PCDHGB7: variants seen among roughly 807,000 people sequenced by gnomAD.
PCDHGB7 encodes the protein protocadherin gamma subfamily B, 7.
A neutral mutation model predicts 61.4 loss-of-function variants in PCDHGB7; 37 were observed. That is an observed-to-expected ratio of 0.60 (90% CI 0.46 to 0.79). The LOEUF is 0.79. Ranked by LOEUF, PCDHGB7 falls within the 30% of genes least tolerant of loss-of-function variation. The pLI is 0.00. For synonymous variants in PCDHGB7, 464 were observed against 503.5 expected (o/e 0.92, Z 1.05); for missense variants, 1,166 against 1,202.5 (o/e 0.97, Z 0.45).
chr5:141,476,725 C>G lies in PCDHGB7; in HGVS notation c.2416-18082C>G. On this transcript the variant is annotated intron_variant, in intron 1 of 3. Coordinates refer to ENST00000398594, the MANE Select transcript of PCDHGB7 (RefSeq NM_018927.4). This position sits in a 1 kb window ranked among gnomAD's most constrained non-coding sequence, Gnocchi z 7.6. ...AGCTGGTGTTGGAGCGCGCCCTGGA[C>G]CGAGAACGGGAGCCTAGTCTCCAGT... The G allele has an allele frequency of 6.2e-7, 1 of 1,614,132 alleles. No homozygotes were observed. Among genetic ancestry groups the G allele is most frequent in the Non-Finnish European group, 8.5e-7 (1 of 1,180,038 alleles).
chr5:141,487,361 A>C lies in PCDHGB7; in HGVS notation c.2416-7446A>C. On this transcript the variant is annotated intron_variant, in intron 1 of 3. Transcript: ENST00000398594. This position sits in a 1 kb window ranked among gnomAD's most constrained non-coding sequence, Gnocchi z 5.0. ...TGGAGTCACATGCTTTCCTGCTGGC[A>C]CCTGTGCCTGTCTCACCAGATCTCG... The C allele has an allele frequency of 1.2e-6, 2 of 1,613,834 alleles. No individual in the cohort carries two copies. Among genetic ancestry groups the C allele is most frequent in the East Asian group, 2.2e-5 (1 of 44,860 alleles).
chr5:141,441,905 C>G, intron 1 of PCDHGB7: 1 of 348,464 alleles, frequency 2.9e-6, no homozygotes, highest in Non-Finnish European at 5.5e-6. Flanking sequence ...GCTGTAGACG[C>G]AGATGTGAGA....
Position 141,418,379 on chromosome 5 carries a change from C to T in PCDHGB7, c.520C>T (p.Pro174Ser). 1 of 1,613,966 alleles carries T rather than the reference C, an allele frequency of 6.2e-7. No individual in the cohort carries two copies. Among genetic ancestry groups the T allele is most frequent in the Non-Finnish European group, 8.5e-7 (1 of 1,179,882 alleles). Residue 174 changes from proline to serine, a missense_variant, in exon 1 of 4, where the codon CCT (proline) becomes TCT (serine). Coordinates refer to ENST00000398594, the MANE Select transcript of PCDHGB7 (RefSeq NM_018927.4). ...MNSLSKYQLS[P>S]NEYFSLVEKD... ...TTCGCTGAGCAAATACCAACTAAGT[C>T]CTAACGAGTATTTCTCATTGGTGGA... is the stretch of plus-strand genomic sequence containing the variant.
chr5:141,489,458 G>A lies in PCDHGB7; in HGVS notation c.2416-5349G>A, dbSNP rs143138320. 3.5e-5 allele frequency: 56 copies of A among 1,614,042 alleles called. No homozygotes were observed. The highest frequency in any genetic ancestry group is 8.0e-5 in the African/African-American group (6 of 75,052). ...CAATTGGGCTCTGAGGAGAATGGGC[G>A]CTATTTTTCCCTGAGCTTGATGAGT... is the stretch of plus-strand genomic sequence containing the variant. On this transcript the variant is annotated intron_variant, in intron 1 of 3. Transcript: ENST00000398594. This position sits in a 1 kb window ranked among gnomAD's most constrained non-coding sequence, Gnocchi z 4.5.
chr5:141,466,969 C>T (rs2099133068), intron 1 of PCDHGB7, among the ~76,000 whole-genome samples: 1 of 152,068 alleles, frequency 6.6e-6, no homozygotes, highest in African/African-American at 2.4e-5. Flanking sequence ...TATTTTCTCA[C>T]AGCTCATCAT....
chr5:141,485,278 C>T lies in PCDHGB7; in HGVS notation c.2416-9529C>T. On this transcript the variant is annotated intron_variant, in intron 1 of 3. Transcript: ENST00000398594. The surrounding 1 kb of genome is among the most constrained non-coding windows in gnomAD (Gnocchi z 5.7). ...TTTGTGGGCAGATCCGCTACCCGGTCCCAGAGGAGTCACAGGAAGGGACTT... is the reference window on the plus strand; with the variant it reads ...TTTGTGGGCAGATCCGCTACCCGGTTCCAGAGGAGTCACAGGAAGGGACTT... 1 of 1,614,064 alleles carries T rather than the reference C, an allele frequency of 6.2e-7. No homozygotes were observed. The highest frequency in any genetic ancestry group is 1.1e-5 in the South Asian group (1 of 91,080).
At chr5:141,510,795 G>A in intron 3 of PCDHGB7, 152 bp from the exon 4 acceptor site, 6 of 1,465,214 alleles carry the variant, frequency 4.1e-6, no homozygotes, top group Non-Finnish European at 5.5e-6. Context: ...CTTGTGAAGA[G>A]AGACTACCTT....
Position 141,419,897 on chromosome 5 carries a change from A to C in PCDHGB7, c.2038A>C (p.Thr680Pro). Residue 680 changes from threonine (T) to proline (P), a missense_variant, in exon 1 of 4, where the codon ACA becomes CCA. Physicochemically the swap from Thr to Pro is conservative, Grantham distance 38. Coordinates refer to ENST00000398594, the MANE Select transcript of PCDHGB7 (RefSeq NM_018927.4). ...ACTGCCGGATTTCAGCGACCATCCC[A>C]CACCCTCTGACTCCCAGGCTGAGAT... ...EVLPDFSDHP[T>P]PSDSQAEMQF... 1 of 1,613,960 alleles carries C rather than the reference A, an allele frequency of 6.2e-7. No individual in the cohort carries two copies. Among genetic ancestry groups the C allele is most frequent in the Non-Finnish European group, 8.5e-7 (1 of 1,179,856 alleles).
chr5:141,469,213 G>A (rs866405809), intron 1 of PCDHGB7, among the ~76,000 whole-genome samples: 21 of 150,912 alleles, frequency 1.4e-4, no homozygotes, highest in African/African-American at 5.1e-4. Flanking sequence ...TGAAGTTGAG[G>A]CTTCAGTGAG....
intron 1 of PCDHGB7, among the ~76,000 whole-genome samples, chr5:141,425,114 T>A (rs537694464): frequency 5.9e-5 from 9 of 152,326 alleles, no homozygotes; most frequent in African/African-American, 2.2e-4. Context: ...TGCCTACATT[T>A]TTCTTGAAGT....
In PCDHGB7 at chr5:141,422,647, T is replaced by G. The variant is rs773990745; in HGVS notation, c.2415+2373T>G. 2.5e-6 allele frequency: 4 copies of G among 1,611,858 alleles called. No individual in the cohort carries two copies. In the South Asian group the frequency reaches 4.4e-5, roughly 18 times the overall value. On this transcript the variant is annotated intron_variant, in intron 1 of 3. Transcript: ENST00000398594. ...CAACCCCAGGGGTGCCTCCATCTTC[T>G]CAGTGACCGCCCTCGACCCGGACAG...
rs2099455203 is a variant in PCDHGB7 at position 141,478,427 on chromosome 5, C to T, written c.2416-16380C>T. The T allele has an allele frequency of 1.9e-6, 3 of 1,613,742 alleles. No individual in the cohort carries two copies. Among genetic ancestry groups the T allele is most frequent in the Non-Finnish European group, 2.5e-6 (3 of 1,180,014 alleles). On this transcript the variant is annotated intron_variant, in intron 1 of 3. Coordinates refer to ENST00000398594, the MANE Select transcript of PCDHGB7 (RefSeq NM_018927.4). ...CACCACGGACTCCCGCCGCAGCGAC[C>T]CGCTGCTGAAGAAACCTGGTGCAGC...
chr5:141,490,157 G>A lies in PCDHGB7; in HGVS notation c.2416-4650G>A. 6.2e-7 allele frequency: 1 copy of A among 1,614,210 alleles called. No homozygotes were observed. On this transcript the variant is annotated intron_variant, in intron 1 of 3. Transcript: ENST00000398594. The surrounding 1 kb of genome is among the most constrained non-coding windows in gnomAD (Gnocchi z 5.4). ...AGCAGTGGGGCAATCCATGTGTTGG[G>A]TCCCATAGACTTTGAGGAGTCACGT...
intron 1 of PCDHGB7, among the ~76,000 whole-genome samples, chr5:141,465,409 A>G (rs1037916815): frequency 3.3e-5 from 5 of 152,188 alleles, no homozygotes; most frequent in African/African-American, 4.8e-5. Flanking sequence ...AAGAAGCCAA[A>G]TCAGCACTGA....
rs951502238 is a variant in PCDHGB7 at position 141,478,263 on chromosome 5, A to G, written c.2416-16544A>G. ...ACAGTGTTCGGAGTAATCATATTCA[A>G]AGTTTACAAGTGGAAGCAGTCTAGA... On this transcript the variant is annotated intron_variant, in intron 1 of 3. Coordinates refer to ENST00000398594, the MANE Select transcript of PCDHGB7 (RefSeq NM_018927.4). The G allele has an allele frequency of 2.5e-6, 4 of 1,614,046 alleles. No individual in the cohort carries two copies. The African/African-American group carries it at 5.3e-5, about 22-fold the overall frequency.
At position 141,485,060 on chromosome 5, in the gene PCDHGB7, G is replaced by A. The variant is rs191055161; in HGVS notation, c.2416-9747G>A. 155 of 862,304 alleles carry A rather than the reference G, an allele frequency of 1.8e-4. No individual in the cohort carries two copies. The African/African-American group carries it at 2.3e-3, about 13-fold the overall frequency. 53.4% of individuals were successfully genotyped at this position (862,304 alleles called of 1,614,324 possible). ...ACCCTTGCGGCGCCGGCCGAACCGCGCCAGAGCTGGCGCGGGGAAAGGGAG... is the reference window on the plus strand; with the variant it reads ...ACCCTTGCGGCGCCGGCCGAACCGCACCAGAGCTGGCGCGGGGAAAGGGAG... On this transcript the variant is annotated intron_variant, in intron 1 of 3. Transcript: ENST00000398594. This position sits in a 1 kb window ranked among gnomAD's most constrained non-coding sequence, Gnocchi z 5.7.
intron 1 of PCDHGB7, chr5:141,439,898 C>T (rs1428014089): frequency 6.6e-6 from 1 of 152,344 alleles, no homozygotes; most frequent in African/African-American, 2.4e-5. Context: ...ACCAAGGCGA[C>T]TACTGCCTCC....
rs200580042 is a variant in PCDHGB7 at position 141,486,553 on chromosome 5, T to C, written c.2416-8254T>C. 5.4e-5 allele frequency: 87 copies of C among 1,614,028 alleles called. No individual in the cohort carries two copies. The highest frequency in any genetic ancestry group is 7.2e-5 in the Non-Finnish European group (85 of 1,180,046). On this transcript the variant is annotated intron_variant, in intron 1 of 3. Coordinates refer to ENST00000398594, the MANE Select transcript of PCDHGB7 (RefSeq NM_018927.4). The surrounding 1 kb of genome is among the most constrained non-coding windows in gnomAD (Gnocchi z 5.0). ...CACCCTCTTTCTTTCAGAGGTCACA[T>C]GAGGTGTTTGTTCCTGAGAACAATC...
Position 141,489,555 on chromosome 5 carries a change from A to G in PCDHGB7, c.2416-5252A>G, listed in dbSNP as rs909307566. ...GAGCCAGCACCAGCTGCCTGCTGCC[A>G]GTGCAGGTGGTGACTGAACACCCCC... is the stretch of plus-strand genomic sequence containing the variant. On this transcript the variant is annotated intron_variant, in intron 1 of 3. Transcript: ENST00000398594. The surrounding 1 kb of genome is among the most constrained non-coding windows in gnomAD (Gnocchi z 4.5). 2.5e-6 allele frequency: 4 copies of G among 1,613,998 alleles called. No homozygotes were observed. The African/African-American group carries it at 5.3e-5, about 22-fold the overall frequency.
Sources: allele counts gnomAD v4.1 joint callset (sites outside exome capture counted in the v4.1 genomes callset), GRCh38; gene constraint gnomAD v4.1.1; non-coding constraint Gnocchi (gnomAD v3.1); transcripts MANE v1.5; gene names NCBI Gene and HGNC (gene_info 2026-07-23, HGNC 2026-07-21).